Variants in MAMDC2 observed in about 807,000 individuals in gnomAD.
MAMDC2 encodes MAM domain containing 2, also known as MAM domain-containing protein 2.
MAMDC2 carries 57 observed loss-of-function variants against 89.8 expected under a neutral mutation model. That is an observed-to-expected ratio of 0.63 (90% CI 0.51 to 0.79). MAMDC2 has a LOEUF of 0.79. MAMDC2 is among the 30% of genes least tolerant of loss of function. The pLI, the probability that MAMDC2 is intolerant of heterozygous loss-of-function variation, is 0.00. For missense variants in MAMDC2, 800 were observed against 820.6 expected (o/e 0.97, Z 0.31); for synonymous variants, 313 against 293.4 (o/e 1.07, Z -0.68).
intron 2 of MAMDC2, among the ~76,000 whole-genome samples, chr9:70,069,151 A>G (rs1260893591): frequency 1.3e-5 from 2 of 152,222 alleles, no homozygotes; most frequent in Non-Finnish European, 2.9e-5. Flanking sequence ...TCCCCTGGAC[A>G]GTACCTTCTC....
intron 4 of MAMDC2, among the ~76,000 whole-genome samples, chr9:70,110,310 T>C (rs930259447): frequency 2.6e-5 from 4 of 152,168 alleles, no homozygotes; most frequent in African/African-American, 7.2e-5. Flanking sequence ...AACCCTGTCC[T>C]ATGGTGGTTC....
chr9:70,090,149 A>G (rs1202515326), intron 2 of MAMDC2, among the ~76,000 whole-genome samples: 40 of 151,706 alleles, frequency 2.6e-4, no homozygotes. Context: ...ACACACACAC[A>G]CATAAAAATA....
At chr9:70,127,794 G>T (rs1229597311) in intron 6 of MAMDC2, among the ~76,000 whole-genome samples, 5 of 151,858 alleles carry the variant, frequency 3.3e-5, no homozygotes, top group African/African-American at 7.3e-5. Flanking sequence ...GCAGCCCAGT[G>T]GAAAATTTTC....
In MAMDC2 at chr9:70,162,896, C is replaced by A. The variant is rs546415402; in HGVS notation, c.1405-5806C>A. ...GTTTCCACACAGACCTCCTCCTAAT[C>A]AACCACCCCCCTCAAAAAAAAAAAA... On this transcript the variant is annotated intron_variant, in intron 9 of 13. Transcript: ENST00000377182. Among the ~76,000 whole-genome samples the A allele has an allele frequency of 1.8e-3, 200 of 108,772 alleles. 1 individual carries two copies. Among genetic ancestry groups the A allele is most frequent in the African/African-American group, 6.5e-3 (191 of 29,324 alleles). 71.4% of individuals were successfully genotyped at this position (108,772 alleles called of 152,430 possible).
intron 2 of MAMDC2, among the ~76,000 whole-genome samples, chr9:70,047,404 C>T (rs375264830): frequency 2.0e-5 from 3 of 151,998 alleles, no homozygotes; most frequent in African/African-American, 7.3e-5. Context: ...TCCTTGTGTC[C>T]GTGTGTTCTC....
intron 6 of MAMDC2, among the ~76,000 whole-genome samples, chr9:70,127,046 A>G (rs541222805): frequency 5.2e-4 from 79 of 152,306 alleles, no homozygotes; most frequent in South Asian, 3.3e-3. Flanking sequence ...AGCCAACTTC[A>G]CAAAGGGGAG....
Position 70,143,725 on chromosome 9 carries a change from A to G in MAMDC2, c.1310A>G (p.His437Arg). The G allele has an allele frequency of 6.2e-7, 1 of 1,614,200 alleles. No homozygotes were observed. The highest frequency in any genetic ancestry group is 8.5e-7 in the Non-Finnish European group (1 of 1,180,014). ...GCAGTTTACATCTTTGAAGAGAACCATGTGGTTCAAGAGAAGATCTGGTCT... is the reference window on the plus strand; with the variant it reads ...GCAGTTTACATCTTTGAAGAGAACCGTGTGGTTCAAGAGAAGATCTGGTCT... ...TLAVYIFEEN[H>R]VVQEKIWSVL... The change falls in exon 9 of 14, where the codon CAT becomes CGT. Residue 437 changes from histidine to arginine, a missense_variant. Coordinates refer to ENST00000377182, the MANE Select transcript of MAMDC2 (RefSeq NM_153267.5).
Position 70,140,250 on chromosome 9 carries a change from C to A in MAMDC2, c.1100C>A (p.Pro367Gln). ...GPGWTRVKVK[P>Q]NMYRAGDHTT... Reference sequence around the variant, plus strand: ...GGTTGGACCCGAGTGAAAGTAAAACCAAACATGTATCGGGCTGGAGACCAC... The same window carrying A: ...GGTTGGACCCGAGTGAAAGTAAAACAAAACATGTATCGGGCTGGAGACCAC... Residue 367 changes from proline (P) to glutamine (Q), a missense_variant, in exon 8 of 14, where the codon CCA becomes CAA. Pro to Gln is a moderately conservative substitution (Grantham distance 76, BLOSUM62 -1). Coordinates refer to ENST00000377182, the MANE Select transcript of MAMDC2 (RefSeq NM_153267.5). 6.2e-7 allele frequency: 1 copy of A among 1,601,336 alleles called. No homozygotes were observed. Among genetic ancestry groups the A allele is most frequent in the South Asian group, 1.1e-5 (1 of 88,304 alleles).
chr9:70,044,172 C>T lies in MAMDC2; in HGVS notation c.-26C>T. ...GCGGGCTGGCAACTTGCACCCCTTC[C>T]TAGTCATCCTCCCTGAAACGCGACC... is the stretch of plus-strand genomic sequence containing the variant. On this transcript the variant is annotated 5_prime_UTR_variant, in exon 1 of 14. Coordinates refer to ENST00000377182, the MANE Select transcript of MAMDC2 (RefSeq NM_153267.5). 1 of 1,613,710 alleles carries T rather than the reference C, an allele frequency of 6.2e-7. No homozygotes were observed. The highest frequency in any genetic ancestry group is 8.5e-7 in the Non-Finnish European group (1 of 1,179,948).
At chr9:70,173,722 C>T (rs2032419654) in intron 11 of MAMDC2, among the ~76,000 whole-genome samples, 4 of 152,006 alleles carry the variant, frequency 2.6e-5, no homozygotes, top group Non-Finnish European at 5.9e-5. Flanking sequence ...ATGCCTTAGA[C>T]ATGGAAGAGA....
chr9:70,102,666 T>A (rs183340255), intron 2 of MAMDC2, among the ~76,000 whole-genome samples: 26 of 152,364 alleles, frequency 1.7e-4, no homozygotes, highest in Non-Finnish European at 3.2e-4. Context: ...TTTGGCAAGA[T>A]GGCTTAATGA....
intron 9 of MAMDC2, among the ~76,000 whole-genome samples, chr9:70,165,840 T>C (rs887189205): frequency 1.3e-5 from 2 of 152,212 alleles, no homozygotes; most frequent in African/African-American, 4.8e-5. Context: ...AATAGACACA[T>C]GTACCTAGTG....
intron 7 of MAMDC2, among the ~76,000 whole-genome samples, chr9:70,137,970 AGTGTT>A (rs1387990263): frequency 3.9e-5 from 6 of 152,228 alleles, no homozygotes; most frequent in Non-Finnish European, 8.8e-5. Context: ...TAGATTGCAT[AGTGTT>A]AAGTGAGGAT....
Position 70,218,387 on chromosome 9 carries a change from C to T in MAMDC2, c.1702C>T (p.Arg568Cys), listed in dbSNP as rs373309195. Residue 568 changes from arginine to cysteine, a missense_variant, in exon 12 of 14, where the codon CGC (arginine) becomes TGC (cysteine). Arg to Cys is a radical substitution (Grantham distance 180). Coordinates refer to ENST00000377182, the MANE Select transcript of MAMDC2 (RefSeq NM_153267.5). ...CCATATGGTGTATGGACAAAAAGCA[C>T]GCCTCTTGTCCAGGCCTCTGCGAGG... ...ASHMVYGQKARLLSRPLRGVS... is the reference protein window; with the variant it reads ...ASHMVYGQKACLLSRPLRGVS... 2.1e-5 allele frequency: 34 copies of T among 1,614,134 alleles called. No individual in the cohort carries two copies. The highest frequency in any genetic ancestry group is 8.9e-5 in the East Asian group (4 of 44,882).
At chr9:70,055,001 A>T (rs1826996268) in intron 2 of MAMDC2, among the ~76,000 whole-genome samples, 1 of 152,096 alleles carries the variant, frequency 6.6e-6, no homozygotes, top group African/African-American at 2.4e-5. Flanking sequence ...TATCACCTTA[A>T]GGCCAGGAGT....
chr9:70,072,865 G>A (rs1439680398), intron 2 of MAMDC2, among the ~76,000 whole-genome samples: 1 of 152,046 alleles, frequency 6.6e-6, no homozygotes, highest in African/African-American at 2.4e-5. Flanking sequence ...TTTGGAGACA[G>A]AGTCTCGCTC....
chr9:70,047,280 CA>C (rs1826775326), intron 2 of MAMDC2, among the ~76,000 whole-genome samples: 1 of 151,836 alleles, frequency 6.6e-6, no homozygotes, highest in Non-Finnish European at 1.5e-5. Context: ...TGGTTTGCTG[CA>C]CCTATCATCC....
At chr9:70,072,979 G>GTTC (rs1827443102) in intron 2 of MAMDC2, among the ~76,000 whole-genome samples, 1 of 152,110 alleles carries the variant, frequency 6.6e-6, no homozygotes, top group Non-Finnish European at 1.5e-5. Context: ...GGGATTACAG[G>GTTC]CATGTGCCAC....
At chr9:70,141,737 G>A (rs2031229952) in intron 8 of MAMDC2, among the ~76,000 whole-genome samples, 1 of 152,188 alleles carries the variant, frequency 6.6e-6, no homozygotes, top group Admixed American at 6.5e-5. Context: ...AAATTGCGGA[G>A]AAGTAGCAAG....
Sources: allele counts gnomAD v4.1 joint callset (sites outside exome capture counted in the v4.1 genomes callset), GRCh38; gene constraint gnomAD v4.1.1; transcripts MANE v1.5; gene names NCBI Gene and HGNC (gene_info 2026-07-23, HGNC 2026-07-21).